The following BCL11B variants were observed in gnomAD, a reference collection of about 807,000 sequenced individuals.
The protein encoded by BCL11B is B-cell lymphoma/leukemia 11B.
A neutral mutation model predicts 49.9 loss-of-function variants in BCL11B; 8 were observed. That is an observed-to-expected ratio of 0.16 (90% confidence interval 0.09 to 0.29). BCL11B has a LOEUF of 0.29. Among genes scored for constraint, BCL11B ranks in the 10% least tolerant of loss-of-function variants. The pLI, the probability that BCL11B is intolerant of heterozygous loss-of-function variation, is 1.00. For missense variants in BCL11B, 1,006 were observed against 1,351.0 expected (o/e 0.74, Z 4.00); for synonymous variants, 739 against 637.4 (o/e 1.16, Z -2.40).
At chr14:99,196,899 C>T (rs1181006744) in intron 3 of BCL11B, among the ~76,000 whole-genome samples, 1 of 152,220 alleles carries the variant, frequency 6.6e-6, no homozygotes, top group Non-Finnish European at 1.5e-5. Context: ...ACAGGATCCT[C>T]ACCAGTTGAG....
At chr14:99,212,242 G>C (rs762778390) in intron 3 of BCL11B, among the ~76,000 whole-genome samples, 3 of 152,132 alleles carry the variant, frequency 2.0e-5, no homozygotes, top group Non-Finnish European at 4.4e-5. Flanking sequence ...AAAATCAAAC[G>C]GTGCACCCAA....
At position 99,173,806 on chromosome 14, in the gene BCL11B, A is replaced by G. The variant is rs1042514848; in HGVS notation, c.*345T>C. ...TCATTGCTCAGGCTACTACCGGGTT[A>G]AAAAAAAAACAAAGAAGGGATGGAT... On this transcript the variant is annotated 3_prime_UTR_variant, in exon 4 of 4. Coordinates refer to ENST00000357195, the MANE Select transcript of BCL11B (RefSeq NM_138576.4). 3 of 269,862 alleles carry G rather than the reference A, an allele frequency of 1.1e-5. No homozygotes were observed. Among genetic ancestry groups the G allele is most frequent in the Admixed American group, 1.0e-4 (2 of 19,318 alleles). The allele number at this position is 269,862 out of a possible 1,614,324, so 16.7% of individuals were successfully genotyped here. A position where few individuals can be genotyped will look rare whatever the true frequency, so the allele number is the denominator to read the frequency against.
intron 3 of BCL11B, among the ~76,000 whole-genome samples, chr14:99,178,754 C>T (rs1372440362): frequency 1.3e-5 from 2 of 152,140 alleles, no homozygotes; most frequent in Non-Finnish European, 2.9e-5. Flanking sequence ...AATGAAGTGC[C>T]CCTTCCTGCA....
At chr14:99,222,641 TG>T (rs1400604751) in intron 3 of BCL11B, among the ~76,000 whole-genome samples, 1 of 152,182 alleles carries the variant, frequency 6.6e-6, no homozygotes, top group Non-Finnish European at 1.5e-5. Flanking sequence ...TCGGTGACTT[TG>T]TTTCCCTCTA....
chr14:99,221,814 C>G (rs926231613), intron 3 of BCL11B, among the ~76,000 whole-genome samples: 14 of 152,238 alleles, frequency 9.2e-5, no homozygotes, highest in Non-Finnish European at 5.9e-5. Flanking sequence ...ACCTGGGCAC[C>G]CCATCGCAGT....
chr14:99,209,678 A>T lies in BCL11B; in HGVS notation c.640+21667T>A, dbSNP rs543246323. On this transcript the variant is annotated intron_variant, in intron 3 of 3. Transcript: ENST00000357195. The stretch of plus-strand genomic sequence containing the variant: ...GCTGCAGGAAGACAGGAGAGCTAGG[A>T]GGCTGAGGGTGGGGGAAGAAGCCCG... Among the ~76,000 whole-genome samples, 30 of 152,238 alleles carry T rather than the reference A, an allele frequency of 2.0e-4. No individual in the cohort carries two copies. The East Asian group carries it at 4.1e-3, about 21-fold the overall frequency.
chr14:99,236,567 TC>T (rs1203195685), intron 2 of BCL11B, among the ~76,000 whole-genome samples: 1 of 152,136 alleles, frequency 6.6e-6, no homozygotes, highest in Non-Finnish European at 1.5e-5. Flanking sequence ...ATCTGGCACT[TC>T]TAGGCTGGTC....
chr14:99,174,709 C>T lies in BCL11B; in HGVS notation c.2127G>A (p.Ser709=), dbSNP rs375263416. The stretch of plus-strand genomic sequence containing the variant: ...ACGCCGCGTAGCCCACCAGCCACTG[C>T]GAGTACACGTTCTCGGACGGGATGA... ...AALIPSENVY[S]QWLVGYAASR... Residue 709 remains serine (S), a synonymous_variant, in exon 4 of 4, where the codon TCG becomes TCA. Coordinates refer to ENST00000357195, the MANE Select transcript of BCL11B (RefSeq NM_138576.4). 199 of 1,565,052 alleles carry T rather than the reference C, an allele frequency of 1.3e-4. No homozygotes were observed. Among genetic ancestry groups the T allele is most frequent in the African/African-American group, 3.2e-4 (23 of 70,926 alleles).
rs534966267 is a variant in BCL11B, at chr14:99,258,239, G to C, written c.59-400C>G. On this transcript the variant is annotated intron_variant, in intron 1 of 3. Coordinates refer to ENST00000357195, the MANE Select transcript of BCL11B (RefSeq NM_138576.4). ...GTTTCCAGTATCTGAGAATCACCTGGAGGGTTTGAAAAATCCCAAGGCGCA... is the reference window on the plus strand; with the variant it reads ...GTTTCCAGTATCTGAGAATCACCTGCAGGGTTTGAAAAATCCCAAGGCGCA... 1.6e-3 allele frequency among the ~76,000 whole-genome samples: 246 copies of C among 152,296 alleles called. 1 individual carries two copies. The highest frequency in any genetic ancestry group is 5.7e-3 in the African/African-American group (235 of 41,556).
Position 99,257,765 on chromosome 14 carries a change from C to T in BCL11B, c.133G>A (p.Gly45Arg). ...GLEIEEPSGL[G>R]LMVGGPDPDL... Reference sequence around the variant, plus strand: ...GGGTCGGGGCCACCCACCATCAGCCCCAGGCCACTTGGCTCCTCTATCTCC... The same window carrying T: ...GGGTCGGGGCCACCCACCATCAGCCTCAGGCCACTTGGCTCCTCTATCTCC... The change falls in exon 2 of 4, where the codon GGG becomes AGG. Residue 45 changes from glycine to arginine, a missense_variant. By Grantham distance (125) the Gly-to-Arg change is moderately radical. Around this residue, in one of 6 missense-constraint regions of BCL11B, gnomAD observed 411 missense variants for 542.2 expected, o/e 0.76. Coordinates refer to ENST00000357195, the MANE Select transcript of BCL11B (RefSeq NM_138576.4). This position sits in a 1 kb window ranked among gnomAD's most constrained non-coding sequence, Gnocchi z 6.2. 1 of 1,602,798 alleles carries T rather than the reference C, an allele frequency of 6.2e-7. No homozygotes were observed. The highest frequency in any genetic ancestry group is 8.5e-7 in the Non-Finnish European group (1 of 1,172,632).
chr14:99,238,570 T>C (rs1188916855), intron 2 of BCL11B, among the ~76,000 whole-genome samples: 1 of 152,136 alleles, frequency 6.6e-6, no homozygotes, highest in African/African-American at 2.4e-5. Flanking sequence ...CCCTCAGCCA[T>C]CTTCTGTGAA....
rs1357872476 is a variant in BCL11B at position 99,205,187 on chromosome 14, G to A, written c.640+26158C>T. On this transcript the variant is annotated intron_variant, in intron 3 of 3. Coordinates refer to ENST00000357195, the MANE Select transcript of BCL11B (RefSeq NM_138576.4). The surrounding 1 kb of genome is among the most constrained non-coding windows in gnomAD (Gnocchi z 5.0). Reference sequence around the variant, plus strand: ...AAAAAAACAGGCCCTTGAACGAACCGAGGGCCCTCCTGGGCTGTCAAGAGA... The same window carrying A: ...AAAAAAACAGGCCCTTGAACGAACCAAGGGCCCTCCTGGGCTGTCAAGAGA... 1.3e-5 allele frequency among the ~76,000 whole-genome samples: 2 copies of A among 151,800 alleles called. No individual in the cohort carries two copies. The highest frequency in any genetic ancestry group is 2.4e-5 in the African/African-American group (1 of 41,270).
At chr14:99,206,263 A>T (rs1369072992) in intron 3 of BCL11B, among the ~76,000 whole-genome samples, 1 of 152,214 alleles carries the variant, frequency 6.6e-6, no homozygotes, top group Admixed American at 6.5e-5. Flanking sequence ...AGTTTTATTG[A>T]AACAACAGCC....
At position 99,184,801 on chromosome 14, in the gene BCL11B, G is replaced by A. The variant is rs539268710; in HGVS notation, c.641-8606C>T. 1.2e-4 allele frequency among the ~76,000 whole-genome samples: 18 copies of A among 152,302 alleles called. No homozygotes were observed. The highest frequency in any genetic ancestry group is 3.4e-4 in the African/African-American group (14 of 41,558). On this transcript the variant is annotated intron_variant, in intron 3 of 3. Coordinates refer to ENST00000357195, the MANE Select transcript of BCL11B (RefSeq NM_138576.4). This position sits in a 1 kb window ranked among gnomAD's most constrained non-coding sequence, Gnocchi z 6.1. ...CCAGAAGAAAGAGGCTGCACACAGC[G>A]AGAAAACCTCGCTCACCCCATAGTG...
chr14:99,271,036 A>T (rs1344291872), intron 1 of BCL11B, 125 bp downstream of exon 1: 4 of 1,002,766 alleles, frequency 4.0e-6, no homozygotes, highest in East Asian at 3.3e-5. Flanking sequence ...GACGCCGTAG[A>T]CTCTGCCAGC....
intron 2 of BCL11B, among the ~76,000 whole-genome samples, chr14:99,240,730 C>T (rs1434750015): frequency 1.3e-5 from 2 of 152,200 alleles, no homozygotes; most frequent in South Asian, 2.1e-4. Context: ...CTAGCGGTGA[C>T]GTGCAGTGCG....
intron 3 of BCL11B, among the ~76,000 whole-genome samples, chr14:99,182,693 A>G (rs4905804): frequency 0.27 from 41,804 of 152,154 alleles, 6,230 homozygotes; most frequent in East Asian, 0.44. Context: ...TCTGGTGGTA[A>G]TGTGCTGAGC....
chr14:99,187,933 T>C (rs1244725081), intron 3 of BCL11B, among the ~76,000 whole-genome samples: 2 of 152,188 alleles, frequency 1.3e-5, no homozygotes, highest in Non-Finnish European at 2.9e-5. Context: ...CTCATTTTAA[T>C]GGAGTGTACG....
At chr14:99,235,350 G>A (rs1161862579) in intron 2 of BCL11B, among the ~76,000 whole-genome samples, 2 of 152,206 alleles carry the variant, frequency 1.3e-5, no homozygotes, top group Non-Finnish European at 2.9e-5. Context: ...CAAGGAAGGA[G>A]ACAGCCAGGG....
Sources: allele counts gnomAD v4.1 joint callset (sites outside exome capture counted in the v4.1 genomes callset), GRCh38; gene constraint gnomAD v4.1.1; regional missense constraint gnomAD v4.1.1; non-coding constraint Gnocchi (gnomAD v3.1); transcripts MANE v1.5; gene names NCBI Gene and HGNC (gene_info 2026-07-23, HGNC 2026-07-21).